Variants in ARHGAP25 observed in about 807,000 individuals in gnomAD.
ARHGAP25 encodes rho GTPase-activating protein 25.
In ARHGAP25, 34 loss-of-function variants were observed where a neutral mutation model predicts 71.0. The ratio of observed to expected loss-of-function variants is 0.48; its 90% confidence interval spans 0.36 to 0.64. ARHGAP25 has a LOEUF of 0.64. ARHGAP25 is among the 30% of genes least tolerant of loss of function. The pLI, the probability that ARHGAP25 is intolerant of heterozygous loss-of-function variation, is 0.00. For synonymous variants in ARHGAP25, 282 were observed against 296.5 expected, an observed-to-expected ratio of 0.95 and a Z score of 0.50; for missense variants, 706 against 805.1, an observed-to-expected ratio of 0.88 and a Z score of 1.49.
In ARHGAP25 at chr2:68,788,394, A is replaced by G. The variant is rs1474819298; in HGVS notation, c.466+438A>G. On this transcript the variant is annotated intron_variant, in intron 4 of 10. Transcript: ENST00000409202. ...TGATGGCAACAGCTATGCTGAAAGC[A>G]TAAGTTAGACTGCATAAGTCAGCAC... Among the ~76,000 whole-genome samples the G allele has an allele frequency of 4.6e-5, 7 of 152,242 alleles. No homozygotes were observed. The South Asian group carries it at 6.2e-4, about 13-fold the overall frequency.
chr2:68,734,182 G>A (rs1423834391), upstream of ARHGAP25, among the ~76,000 whole-genome samples: 2 of 152,186 alleles, frequency 1.3e-5, no homozygotes, highest in Non-Finnish European at 2.9e-5. Flanking sequence ...TTGAGTTGTG[G>A]TTATTATCAA....
intron 2 of ARHGAP25, among the ~76,000 whole-genome samples, chr2:68,714,575 T>C (rs1674567828): frequency 6.6e-6 from 1 of 152,210 alleles, no homozygotes. Context: ...TTGTGATGTT[T>C]AGGGTGCCAA....
At chr2:68,814,239 T>G (rs901336315) in intron 6 of ARHGAP25, among the ~76,000 whole-genome samples, 1 of 152,204 alleles carries the variant, frequency 6.6e-6, no homozygotes, top group Non-Finnish European at 1.5e-5. Context: ...ATTAGACAAA[T>G]TATGCATCTT....
rs72903633 is a variant in ARHGAP25 at position 68,822,671 on chromosome 2, G to A, written c.1532G>A (p.Gly511Glu). The change falls in exon 10 of 11, where the codon GGG becomes GAG. Residue 511 changes from glycine (G) to glutamate (E), a missense_variant. Gly to Glu is a moderately conservative substitution (Grantham distance 98, BLOSUM62 -2). Transcript: ENST00000409202. Reference sequence around the variant, plus strand: ...TACGATAACGTCCCTTCCCTGCCAGGGTCCCCTGGGGAGGAAGCCAGTGCA... The same window carrying A: ...TACGATAACGTCCCTTCCCTGCCAGAGTCCCCTGGGGAGGAAGCCAGTGCA... ...STYDNVPSLP[G>E]SPGEEASALS... 1.2e-6 allele frequency: 2 copies of A among 1,614,116 alleles called. No individual in the cohort carries two copies. Among genetic ancestry groups the A allele is most frequent in the Non-Finnish European group, 8.5e-7 (1 of 1,180,022 alleles).
At chr2:68,801,809 G>A (rs1482239792) in intron 4 of ARHGAP25, among the ~76,000 whole-genome samples, 1 of 152,214 alleles carries the variant, frequency 6.6e-6, no homozygotes, top group East Asian at 1.9e-4. Flanking sequence ...ATGAGTAGAG[G>A]AAAGAGTGAC....
intron 10 of ARHGAP25, among the ~76,000 whole-genome samples, chr2:68,824,741 C>CAA (rs150303602): frequency 6.8e-6 from 1 of 147,682 alleles, no homozygotes; most frequent in Non-Finnish European, 1.5e-5. Context: ...GACTCCGTCT[C>CAA]AAAAAAAACA....
intron 9 of ARHGAP25, among the ~76,000 whole-genome samples, chr2:68,820,663 G>T (rs1327646806): frequency 6.6e-6 from 1 of 151,988 alleles, no homozygotes; most frequent in Non-Finnish European, 1.5e-5. Flanking sequence ...TATAATATAT[G>T]CACATGGTTC....
intron 1 of ARHGAP25, among the ~76,000 whole-genome samples, chr2:68,772,528 C>T (rs375652504): frequency 1.3e-5 from 2 of 152,268 alleles, no homozygotes; most frequent in East Asian, 1.9e-4. Flanking sequence ...GAATGCCTCA[C>T]TCTTCGATTT....
chr2:68,792,587 T>C (rs565809469), intron 4 of ARHGAP25, among the ~76,000 whole-genome samples: 1 of 152,350 alleles, frequency 6.6e-6, no homozygotes, highest in South Asian at 2.1e-4. Flanking sequence ...ATGATTTCAT[T>C]CTTTGAAATG....
rs1296690155 is a variant in ARHGAP25 at position 68,823,650 on chromosome 2, C to T, written c.1733+778C>T. The stretch of plus-strand genomic sequence containing the variant: ...ATGAGGGTGGAGAAGTACAGGAGGC[C>T]AGGACGCAGTAGGGTTTTGTCAGCC... On this transcript the variant is annotated intron_variant, in intron 10 of 10. Transcript: ENST00000409202. Among the ~76,000 whole-genome samples, 8 of 152,116 alleles carry T rather than the reference C, an allele frequency of 5.3e-5. 1 individual carries two copies. Among genetic ancestry groups the T allele is most frequent in the Admixed American group, 5.2e-4 (8 of 15,282 alleles).
intron 3 of ARHGAP25, among the ~76,000 whole-genome samples, chr2:68,784,271 G>A (rs1678580398): frequency 6.6e-6 from 1 of 151,698 alleles, no homozygotes. Flanking sequence ...TTTTCATAAA[G>A]ATACCATCAT....
At chr2:68,813,114 G>A (rs897336327) in intron 5 of ARHGAP25, among the ~76,000 whole-genome samples, 173 bp from the exon 6 acceptor site, 19 of 152,154 alleles carry the variant, frequency 1.2e-4, no homozygotes, top group African/African-American at 4.6e-4. Context: ...TGTTCCAGAA[G>A]GGCGAATTAA....
At chr2:68,737,789 C>T (rs1486928343) in intron 1 of ARHGAP25, among the ~76,000 whole-genome samples, 1 of 152,158 alleles carries the variant, frequency 6.6e-6, no homozygotes, top group Non-Finnish European at 1.5e-5. Context: ...AATAGCAAGA[C>T]ACTGACCCAG....
intron 2 of ARHGAP25, chr2:68,775,652 A>C (rs1446466291): frequency 2.9e-6 from 2 of 685,366 alleles, no homozygotes; most frequent in Non-Finnish European, 5.2e-6. Context: ...TTTCCTACAC[A>C]TGGCTCTGAG....
At chr2:68,824,536 A>T in intron 10 of ARHGAP25, among the ~76,000 whole-genome samples, 1 of 152,178 alleles carries the variant, frequency 6.6e-6, no homozygotes, top group East Asian at 1.9e-4. Flanking sequence ...AGGTCAGGAG[A>T]TCGAGACCAT....
At chr2:68,792,922 T>G (rs1211250209) in intron 4 of ARHGAP25, among the ~76,000 whole-genome samples, 1 of 152,166 alleles carries the variant, frequency 6.6e-6, no homozygotes, top group Admixed American at 6.5e-5. Context: ...TCTCTGCATC[T>G]TGACCGACAT....
intron 1 of ARHGAP25, among the ~76,000 whole-genome samples, chr2:68,773,615 C>T (rs72899810): frequency 0.019 from 2,854 of 152,250 alleles, 72 homozygotes; most frequent in African/African-American, 0.066. Context: ...GCGATGGACT[C>T]ATGTAACAAA....
intron 2 of ARHGAP25, among the ~76,000 whole-genome samples, chr2:68,719,437 A>G (rs577206024): frequency 2.0e-4 from 30 of 151,960 alleles, no homozygotes; most frequent in African/African-American, 6.5e-4. Context: ...GCAAAAAAAA[A>G]AAAAAAGAAA....
intron 2 of ARHGAP25, among the ~76,000 whole-genome samples, chr2:68,717,092 A>G (rs1674627880): frequency 6.6e-6 from 1 of 152,202 alleles, no homozygotes; most frequent in South Asian, 2.1e-4. Flanking sequence ...GGTGGTACAC[A>G]CCTAGGCCAT....
Sources: gnomAD v4.1 joint callset for allele counts (sites outside exome capture counted in the v4.1 genomes callset) on GRCh38, gnomAD v4.1.1 for gene constraint, MANE v1.5 for transcripts, NCBI Gene and HGNC (gene_info 2026-07-23, HGNC 2026-07-21) for gene names.